EXOC6B: variants seen among roughly 807,000 people sequenced by gnomAD.
EXOC6B encodes the protein exocyst complex component 6B.
In EXOC6B, 54 loss-of-function variants were observed where a neutral mutation model predicts 113.5. That is an observed-to-expected ratio of 0.48 (90% CI 0.38 to 0.60). The LOEUF (loss-of-function observed/expected upper bound fraction) is 0.60, where lower values mean the gene tolerates loss of function less well. Ranked by LOEUF, EXOC6B falls within the 20% of genes least tolerant of loss-of-function variation. The pLI, the probability that EXOC6B is intolerant of heterozygous loss-of-function variation, is 0.00. For synonymous variants in EXOC6B, 357 were observed against 339.0 expected (o/e 1.05, Z -0.58); for missense variants, 797 against 977.5 (o/e 0.82, Z 2.46).
chr2:72,469,216 C>T (rs1226024760), intron 17 of EXOC6B, among the ~76,000 whole-genome samples: 1 of 152,022 alleles, frequency 6.6e-6, no homozygotes, highest in East Asian at 1.9e-4. Flanking sequence ...TTTCACTGCC[C>T]TAAAAATTTA....
intron 20 of EXOC6B, among the ~76,000 whole-genome samples, chr2:72,259,768 C>T (rs186540812): frequency 3.9e-5 from 6 of 152,092 alleles, no homozygotes; most frequent in Admixed American, 2.0e-4. Context: ...TGTAGCAGTG[C>T]GGCCAGGCAC....
At chr2:72,308,514 T>C (rs1261472145) in intron 20 of EXOC6B, among the ~76,000 whole-genome samples, 1 of 152,218 alleles carries the variant, frequency 6.6e-6, no homozygotes, top group African/African-American at 2.4e-5. Flanking sequence ...AGAAGACACC[T>C]GTAAAATGAG....
chr2:72,705,410 C>A (rs1260831552), intron 6 of EXOC6B, among the ~76,000 whole-genome samples: 2 of 152,152 alleles, frequency 1.3e-5, no homozygotes, highest in African/African-American at 4.8e-5. Flanking sequence ...CCTTTGAAAA[C>A]TGGCACAAGA....
At chr2:72,213,016 C>G (rs61391258) in intron 20 of EXOC6B, among the ~76,000 whole-genome samples, 1 of 152,150 alleles carries the variant, frequency 6.6e-6, no homozygotes, top group Non-Finnish European at 1.5e-5. Flanking sequence ...GAGAATATGA[C>G]AAAAGTGATG....
chr2:72,208,137 T>A (rs80066835), intron 20 of EXOC6B, among the ~76,000 whole-genome samples: 4,615 of 152,174 alleles, frequency 0.03, 215 homozygotes, highest in African/African-American at 0.1. Flanking sequence ...ATTTGTTACG[T>A]GGGTATATTA....
intron 6 of EXOC6B, among the ~76,000 whole-genome samples, chr2:72,627,933 G>A (rs1672159948): frequency 6.6e-6 from 1 of 152,018 alleles, no homozygotes; most frequent in South Asian, 2.1e-4. Flanking sequence ...ATGAATTTTT[G>A]TGAATACATT....
At chr2:72,812,737 G>A (rs1375166981) in intron 1 of EXOC6B, among the ~76,000 whole-genome samples, 1 of 151,514 alleles carries the variant, frequency 6.6e-6, no homozygotes, top group Non-Finnish European at 1.5e-5. Context: ...ATATAAAAAG[G>A]CAAAGAAACA....
intron 6 of EXOC6B, among the ~76,000 whole-genome samples, chr2:72,657,285 G>GC (rs1453330753): frequency 6.8e-6 from 1 of 148,014 alleles, no homozygotes; most frequent in East Asian, 2.0e-4. Context: ...GACTGCAGTG[G>GC]CGCTACCTTG....
At chr2:72,209,223 CAAAAA>C (rs1170760516) in intron 20 of EXOC6B, among the ~76,000 whole-genome samples, 22 of 57,100 alleles carry the variant, frequency 3.9e-4, no homozygotes, top group South Asian at 1.1e-3. Flanking sequence ...AACTCAGTCT[CAAAAA>C]AAAAAAAAAA....
At chr2:72,228,632 A>G (rs1201211392) in intron 20 of EXOC6B, among the ~76,000 whole-genome samples, 1 of 152,106 alleles carries the variant, frequency 6.6e-6, no homozygotes, top group Non-Finnish European at 1.5e-5. Flanking sequence ...TCCATGGTGT[A>G]TATGTGCCAT....
chr2:72,381,476 A>C (rs1456314984), intron 18 of EXOC6B, among the ~76,000 whole-genome samples: 1 of 152,070 alleles, frequency 6.6e-6, no homozygotes, highest in Admixed American at 6.6e-5. Context: ...TGTCCCTTTT[A>C]TATGTTTTTT....
Position 72,396,169 on chromosome 2 carries a change from T to C in EXOC6B, c.1981-16299A>G, listed in dbSNP as rs77589308. On this transcript the variant is annotated intron_variant, in intron 18 of 21. Transcript: ENST00000272427. Reference sequence around the variant, plus strand: ...CTCAGTTTGAGAGGATACTCTTAAATAATTTATATCTTTTTGAAAAATGCC... The same window carrying C: ...CTCAGTTTGAGAGGATACTCTTAAACAATTTATATCTTTTTGAAAAATGCC... Among the ~76,000 whole-genome samples the C allele has an allele frequency of 2.9e-4, 44 of 152,254 alleles. 1 individual carries two copies. The East Asian group carries it at 8.3e-3, about 29-fold the overall frequency.
chr2:72,355,370 GTA>G (rs762446302), intron 19 of EXOC6B, among the ~76,000 whole-genome samples: 1 of 152,024 alleles, frequency 6.6e-6, no homozygotes, highest in African/African-American at 2.4e-5. Context: ...AAAGAAGAAG[GTA>G]TGCTCTAACA....
intron 1 of EXOC6B, among the ~76,000 whole-genome samples, chr2:72,791,363 G>A (rs958517776): frequency 6.6e-6 from 1 of 152,048 alleles, no homozygotes; most frequent in African/African-American, 2.4e-5. Flanking sequence ...GGGCAACATC[G>A]TGAGGCCGTG....
At chr2:72,222,922 T>C (rs1453136679) in intron 20 of EXOC6B, among the ~76,000 whole-genome samples, 2 of 152,200 alleles carry the variant, frequency 1.3e-5, no homozygotes, top group African/African-American at 2.4e-5. Flanking sequence ...GAGGTACTTT[T>C]ATGTAAGGGT....
chr2:72,443,417 T>A (rs1036129642), intron 18 of EXOC6B, among the ~76,000 whole-genome samples: 52 of 151,608 alleles, frequency 3.4e-4, no homozygotes, highest in Middle Eastern at 6.8e-3. Flanking sequence ...AACCATCTGA[T>A]CTTTGACAAA....
chr2:72,481,622 C>T (rs757333408), intron 16 of EXOC6B, among the ~76,000 whole-genome samples: 3 of 152,140 alleles, frequency 2.0e-5, no homozygotes, highest in Non-Finnish European at 4.4e-5. Flanking sequence ...GTGAAAGTAA[C>T]CAGGGAATTA....
intron 20 of EXOC6B, among the ~76,000 whole-genome samples, chr2:72,302,258 T>C (rs1342987275): frequency 6.6e-6 from 1 of 152,200 alleles, no homozygotes; most frequent in East Asian, 1.9e-4. Context: ...TTATGTTCGA[T>C]TGTGTGGTCA....
At chr2:72,784,430 G>A (rs1428357040) in intron 1 of EXOC6B, among the ~76,000 whole-genome samples, 1 of 151,940 alleles carries the variant, frequency 6.6e-6, no homozygotes, top group Non-Finnish European at 1.5e-5. Flanking sequence ...AGATTGTTTT[G>A]GGTAGTGTAT....
Sources: allele counts gnomAD v4.1 joint callset (sites outside exome capture counted in the v4.1 genomes callset), GRCh38; gene constraint gnomAD v4.1.1; transcripts MANE v1.5; gene names NCBI Gene and HGNC (gene_info 2026-07-23, HGNC 2026-07-21).